TEAD1: variants seen among roughly 807,000 people sequenced by gnomAD.
TEAD1 encodes TEA domain transcription factor 1, also known as transcriptional enhancer factor TEF-1.
In TEAD1, 9 loss-of-function variants were observed where a neutral mutation model predicts 54.9. That is an observed-to-expected ratio of 0.16 (90% CI 0.10 to 0.29). The LOEUF is 0.29. Ranked by LOEUF, TEAD1 falls within the 10% of genes least tolerant of loss-of-function variation. The pLI is 1.00. For missense variants in TEAD1, 387 were observed against 535.9 expected (o/e 0.72, Z 2.74); for synonymous variants, 200 against 187.8 (o/e 1.07, Z -0.53).
At chr11:12,724,110 G>A (rs1271533151) in intron 2 of TEAD1, among the ~76,000 whole-genome samples, 1 of 152,180 alleles carries the variant, frequency 6.6e-6, no homozygotes, top group East Asian at 1.9e-4. Flanking sequence ...CCTTCATGGT[G>A]ATGCCAAGCC....
intron 5 of TEAD1, among the ~76,000 whole-genome samples, chr11:12,875,696 ATAGGTAGGTC>A (rs1947841325): frequency 6.6e-6 from 1 of 152,306 alleles, no homozygotes; most frequent in African/African-American, 2.4e-5. Context: ...CTATTCTCAA[ATAGGTAGGTC>A]AAGTGCAGAA....
At position 12,856,145 on chromosome 11, in the gene TEAD1, T is replaced by TA. The variant is rs1554942598; in HGVS notation, c.203-6103dup. On this transcript the variant is annotated intron_variant, in intron 3 of 12. Coordinates refer to ENST00000527636, the MANE Select transcript of TEAD1 (RefSeq NM_021961.6). ...TATCTTCTTCCTTTTTTTTTTTTTTTAACTTTATGTTCATGATCTGGTGCC... is the reference window on the plus strand; with the variant it reads ...TATCTTCTTCCTTTTTTTTTTTTTTTAAACTTTATGTTCATGATCTGGTGCC... Among the ~76,000 whole-genome samples, 319 of 150,066 alleles carry TA rather than the reference T, an allele frequency of 2.1e-3. 1 individual carries two copies. Among genetic ancestry groups the TA allele is most frequent in the African/African-American group, 7.5e-3 (302 of 40,256 alleles).
intron 3 of TEAD1, among the ~76,000 whole-genome samples, chr11:12,776,242 A>G (rs773637488): frequency 9.9e-5 from 15 of 152,176 alleles, no homozygotes; most frequent in South Asian, 2.1e-4. Context: ...CATAATTCCA[A>G]CATTCATGTA....
intron 10 of TEAD1, among the ~76,000 whole-genome samples, chr11:12,905,723 T>TATA (rs1450178642): frequency 1.3e-5 from 2 of 152,216 alleles, no homozygotes; most frequent in Non-Finnish European, 2.9e-5. Flanking sequence ...ACAGAGACTC[T>TATA]ATACCCAGTC....
At chr11:12,677,914 T>C (rs1943131508) in intron 2 of TEAD1, among the ~76,000 whole-genome samples, 2 of 152,232 alleles carry the variant, frequency 1.3e-5, no homozygotes, top group African/African-American at 2.4e-5. Context: ...ATAATTATGC[T>C]GCCTGCAAAT....
At chr11:12,869,887 CTT>C (rs34566296) in intron 5 of TEAD1, among the ~76,000 whole-genome samples, 21 of 149,662 alleles carry the variant, frequency 1.4e-4, no homozygotes, top group African/African-American at 4.6e-4. Context: ...TTTTCTTTTT[CTT>C]TTTTTTTTGA....
chr11:12,804,125 T>C (rs1222730480), intron 3 of TEAD1, among the ~76,000 whole-genome samples: 1 of 152,246 alleles, frequency 6.6e-6, no homozygotes, highest in African/African-American at 2.4e-5. Context: ...ACAAATGTAA[T>C]TCTCTTTGAA....
chr11:12,772,583 T>C (rs920941255), intron 3 of TEAD1, among the ~76,000 whole-genome samples: 10 of 152,178 alleles, frequency 6.6e-5, no homozygotes, highest in Non-Finnish European at 1.2e-4. Context: ...TACTCAGCAG[T>C]GAGTATTAGC....
At chr11:12,703,475 C>T (rs1490612545) in intron 2 of TEAD1, among the ~76,000 whole-genome samples, 1 of 152,118 alleles carries the variant, frequency 6.6e-6, no homozygotes, top group Admixed American at 6.5e-5. Context: ...CCAAGCCTCC[C>T]TATATTTTCT....
At chr11:12,825,014 C>T (rs1946621947) in intron 3 of TEAD1, among the ~76,000 whole-genome samples, 1 of 152,120 alleles carries the variant, frequency 6.6e-6, no homozygotes, top group Non-Finnish European at 1.5e-5. Flanking sequence ...ATTTAAAACA[C>T]ACACTCATTT....
chr11:12,838,822 C>CAGT (rs1946963546), intron 3 of TEAD1, among the ~76,000 whole-genome samples: 2 of 152,150 alleles, frequency 1.3e-5, no homozygotes, highest in Non-Finnish European at 2.9e-5. Context: ...TAAGCCCAGG[C>CAGT]AGTACAGTTA....
intron 3 of TEAD1, among the ~76,000 whole-genome samples, chr11:12,842,845 T>C (rs567602734): frequency 2.0e-5 from 3 of 152,336 alleles, no homozygotes; most frequent in African/African-American, 7.2e-5. Flanking sequence ...AAGAGAGTTA[T>C]AAGCATCAAA....
chr11:12,879,796 T>G lies in TEAD1; in HGVS notation c.419T>G (p.Leu140Arg). The G allele has an allele frequency of 6.2e-7, 1 of 1,614,104 alleles. No homozygotes were observed. The highest frequency in any genetic ancestry group is 8.5e-7 in the Non-Finnish European group (1 of 1,180,036). Reference sequence around the variant, plus strand: ...TCGGCCACTGCCATTCATAACAAGCTGGGGCTGCCTGGGATTCCACGCCCG... The same window carrying G: ...TCGGCCACTGCCATTCATAACAAGCGGGGGCTGCCTGGGATTCCACGCCCG... Residue 140 changes from leucine (L) to arginine (R), a missense_variant, in exon 6 of 13, where the codon CTG becomes CGG. Leu to Arg is a moderately radical substitution (Grantham distance 102). Around this residue, in one of 5 missense-constraint regions of TEAD1, gnomAD observed 180 missense variants for 180.6 expected, o/e 1.00. Coordinates refer to ENST00000527636, the MANE Select transcript of TEAD1 (RefSeq NM_021961.6).
At chr11:12,719,800 T>C (rs1944145592) in intron 2 of TEAD1, among the ~76,000 whole-genome samples, 1 of 151,778 alleles carries the variant, frequency 6.6e-6, no homozygotes, top group Admixed American at 6.6e-5. Context: ...CTAAAAAAAC[T>C]CTGACTTGAA....
intron 3 of TEAD1, among the ~76,000 whole-genome samples, chr11:12,773,306 G>T (rs1398013070): frequency 6.6e-6 from 1 of 152,136 alleles, no homozygotes; most frequent in Admixed American, 6.5e-5. Context: ...TCATTTGCTG[G>T]CTCATATGGT....
At chr11:12,801,861 G>A (rs1345605316) in intron 3 of TEAD1, among the ~76,000 whole-genome samples, 1 of 152,214 alleles carries the variant, frequency 6.6e-6, no homozygotes, top group Non-Finnish European at 1.5e-5. Context: ...TCTTAAGAGT[G>A]TAAAAAAAGG....
intron 5 of TEAD1, among the ~76,000 whole-genome samples, chr11:12,870,748 T>C (rs1947730339): frequency 6.6e-6 from 1 of 152,126 alleles, no homozygotes; most frequent in Non-Finnish European, 1.5e-5. Context: ...TAGCCAGGTA[T>C]GGCAGTGTGC....
At chr11:12,879,673 A>G (rs770757983) in intron 5 of TEAD1, 35 bp from the exon 6 acceptor site, 8 of 1,613,900 alleles carry the variant, frequency 5.0e-6, no homozygotes, top group Middle Eastern at 3.3e-4. Context: ...GCCATGCGTT[A>G]TGTATTAAGT....
At chr11:12,769,945 T>C (rs1455181780) in intron 3 of TEAD1, among the ~76,000 whole-genome samples, 2 of 152,020 alleles carry the variant, frequency 1.3e-5, no homozygotes, top group Non-Finnish European at 2.9e-5. Flanking sequence ...CTGTAAGCCC[T>C]GAGGGCCTCT....
Sources: gnomAD v4.1 joint callset for allele counts (sites outside exome capture counted in the v4.1 genomes callset) on GRCh38, gnomAD v4.1.1 for gene constraint, gnomAD v4.1.1 regional missense constraint, MANE v1.5 for transcripts, NCBI Gene and HGNC (gene_info 2026-07-23, HGNC 2026-07-21) for gene names.